The following RAB11FIP4 variants were observed in gnomAD, a reference collection of about 807,000 sequenced individuals.
RAB11FIP4 encodes the protein rab11 family-interacting protein 4.
A neutral mutation model predicts 74.3 loss-of-function variants in RAB11FIP4; 23 were observed. That is an observed-to-expected ratio of 0.31 (90% CI 0.22 to 0.44). The LOEUF (loss-of-function observed/expected upper bound fraction) is 0.44. Ranked by LOEUF, RAB11FIP4 falls within the 20% of genes least tolerant of loss-of-function variation. The pLI is 1.00. For missense variants in RAB11FIP4, 630 were observed against 863.9 expected, an observed-to-expected ratio of 0.73 and a Z score of 3.39; for synonymous variants, 360 against 359.9, an observed-to-expected ratio of 1.00 and a Z score of 0.00.
intron 13 of RAB11FIP4, among the ~76,000 whole-genome samples, chr17:31,529,533 G>A (rs1375054557): frequency 6.6e-6 from 1 of 152,206 alleles, no homozygotes; most frequent in East Asian, 1.9e-4. Context: ...CTTTGAAAGT[G>A]TTGGGATTAC....
chr17:31,529,094 C>CT (rs10701171), intron 13 of RAB11FIP4, among the ~76,000 whole-genome samples: 47,584 of 133,570 alleles, frequency 0.36, 9,044 homozygotes, highest in African/African-American at 0.49. Context: ...CCCAAGGTTC[C>CT]TTTTTTTTTT....
intron 1 of RAB11FIP4, among the ~76,000 whole-genome samples, chr17:31,395,199 C>T (rs1282043395): frequency 6.6e-6 from 1 of 151,958 alleles, no homozygotes; most frequent in African/African-American, 2.4e-5. Context: ...AATAAATATC[C>T]ATGAGGCCAT....
chr17:31,424,144 T>C (rs1367790431), intron 1 of RAB11FIP4, among the ~76,000 whole-genome samples: 1 of 152,130 alleles, frequency 6.6e-6, no homozygotes, highest in Non-Finnish European at 1.5e-5. Context: ...GGTCAGGAAA[T>C]ATGCAAGCTC....
intron 3 of RAB11FIP4, among the ~76,000 whole-genome samples, chr17:31,483,267 T>A (rs1041251400): frequency 4.7e-5 from 7 of 147,546 alleles, no homozygotes; most frequent in Non-Finnish European, 8.9e-5. Context: ...AATCAAGCCC[T>A]GCTAAGATGG....
rs548390270 is a variant in RAB11FIP4, at chr17:31,407,116, A to G, written c.159+15105A>G. Reference sequence around the variant, plus strand: ...ACCCAGACTGGAGTACAGTGGTGTGATCTTGGCTCACTGCAGCCTCAACTT... The same window carrying G: ...ACCCAGACTGGAGTACAGTGGTGTGGTCTTGGCTCACTGCAGCCTCAACTT... On this transcript the variant is annotated intron_variant, in intron 1 of 14. Transcript: ENST00000621161. Among the ~76,000 whole-genome samples the G allele has an allele frequency of 2.0e-4, 25 of 122,488 alleles. 1 individual carries two copies. In the South Asian group the frequency reaches 6.6e-3, roughly 32 times the overall value. 80.4% of individuals were successfully genotyped at this position (122,488 alleles called of 152,430 possible).
intron 1 of RAB11FIP4, among the ~76,000 whole-genome samples, chr17:31,393,157 G>A (rs1320847655): frequency 2.0e-5 from 3 of 152,268 alleles, no homozygotes; most frequent in Admixed American, 6.5e-5. Flanking sequence ...AGAAGAGAGT[G>A]AGGCAGCTTC....
At chr17:31,520,128 A>C (rs2072635089) in intron 4 of RAB11FIP4, among the ~76,000 whole-genome samples, 1 of 152,102 alleles carries the variant, frequency 6.6e-6, no homozygotes, top group African/African-American at 2.4e-5. Context: ...AAACTTAAAA[A>C]ATAACACAGT....
At chr17:31,408,035 C>A (rs535723714) in intron 1 of RAB11FIP4, among the ~76,000 whole-genome samples, 9 of 152,272 alleles carry the variant, frequency 5.9e-5, no homozygotes, top group African/African-American at 9.6e-5. Flanking sequence ...CTTCCACCCC[C>A]CTTTTCTGAG....
At chr17:31,412,342 A>G (rs1234732278) in intron 1 of RAB11FIP4, among the ~76,000 whole-genome samples, 1 of 152,214 alleles carries the variant, frequency 6.6e-6, no homozygotes, top group Non-Finnish European at 1.5e-5. Flanking sequence ...ATTCTGATCC[A>G]GCAGTTGGTC....
intron 3 of RAB11FIP4, among the ~76,000 whole-genome samples, chr17:31,511,521 A>G (rs2072452032): frequency 6.6e-6 from 1 of 152,122 alleles, no homozygotes; most frequent in African/African-American, 2.4e-5. Context: ...TGTGCTCTCT[A>G]CAGTGCTAAC....
intron 3 of RAB11FIP4, among the ~76,000 whole-genome samples, chr17:31,511,611 A>G (rs2072453556): frequency 1.3e-5 from 2 of 152,212 alleles, no homozygotes. Flanking sequence ...ACATGTGGTC[A>G]CTTGGGGTCC....
rs1555548738 is a variant in RAB11FIP4, at chr17:31,505,439, T to TA, written c.337-12211dup. Among the ~76,000 whole-genome samples, 393 of 91,266 alleles carry TA rather than the reference T, an allele frequency of 4.3e-3. 18 individuals are homozygous for TA. The highest frequency in any genetic ancestry group is 0.017 in the African/African-American group (359 of 21,686). 59.9% of individuals were successfully genotyped at this position (91,266 alleles called of 152,430 possible). A position where few individuals can be genotyped will look rare whatever the true frequency, so the allele number is the denominator to read the frequency against. ...ATTATATATTAATATATAATTATTA[T>TA]ATAATATATAATAATTATTATAACA... On this transcript the variant is annotated intron_variant, in intron 3 of 14. Transcript: ENST00000621161.
At chr17:31,436,738 T>C (rs946112835) in intron 3 of RAB11FIP4, among the ~76,000 whole-genome samples, 7 of 149,642 alleles carry the variant, frequency 4.7e-5, no homozygotes, top group African/African-American at 1.7e-4. Flanking sequence ...TTTGTTGCTT[T>C]GGGTTTTGTT....
chr17:31,524,324 T>G, intron 9 of RAB11FIP4: 1 of 303,258 alleles, frequency 3.3e-6, no homozygotes, highest in Non-Finnish European at 6.4e-6. Context: ...CGTCCCTTCC[T>G]AGGGACAAGC....
chr17:31,521,403 A>G (rs2072662760), intron 5 of RAB11FIP4, 43 bp downstream of exon 5: 5 of 1,544,150 alleles, frequency 3.2e-6, no homozygotes, highest in Non-Finnish European at 4.4e-6. Flanking sequence ...CAAAAGTTGC[A>G]GAAGCAATTT....
At chr17:31,428,372 T>G (rs1248946330) in intron 1 of RAB11FIP4, among the ~76,000 whole-genome samples, 1 of 152,174 alleles carries the variant, frequency 6.6e-6, no homozygotes, top group East Asian at 1.9e-4. Flanking sequence ...CCGGCGAGTC[T>G]GCCTGTGATG....
At chr17:31,448,781 G>A (rs2071495148) in intron 3 of RAB11FIP4, among the ~76,000 whole-genome samples, 1 of 152,032 alleles carries the variant, frequency 6.6e-6, no homozygotes, top group Non-Finnish European at 1.5e-5. Flanking sequence ...TCCAGACACT[G>A]CAAATTCTCA....
intron 3 of RAB11FIP4, among the ~76,000 whole-genome samples, chr17:31,464,612 C>T (rs1299373050): frequency 3.3e-5 from 5 of 151,954 alleles, no homozygotes; most frequent in Non-Finnish European, 5.9e-5. Flanking sequence ...CCACCACACC[C>T]AGCTAATTTT....
At chr17:31,464,643 G>A (rs902101287) in intron 3 of RAB11FIP4, among the ~76,000 whole-genome samples, 4 of 149,602 alleles carry the variant, frequency 2.7e-5, no homozygotes, top group Admixed American at 6.7e-5. Flanking sequence ...TAGAAACGAG[G>A]TTTCACCATG....
Sources: allele counts gnomAD v4.1 joint callset (sites outside exome capture counted in the v4.1 genomes callset), GRCh38; gene constraint gnomAD v4.1.1; transcripts MANE v1.5; gene names NCBI Gene and HGNC (gene_info 2026-07-23, HGNC 2026-07-21).